MAST4: variants seen among roughly 807,000 people sequenced by gnomAD.
The protein encoded by MAST4 is microtubule-associated serine/threonine-protein kinase 4.
In MAST4, 89 loss-of-function variants were observed where a neutral mutation model predicts 162.7. That is an observed-to-expected ratio of 0.55 (90% CI 0.46 to 0.65). The LOEUF (loss-of-function observed/expected upper bound fraction) is 0.65. Ranked by LOEUF, MAST4 falls within the 30% of genes least tolerant of loss-of-function variation. The pLI is 0.00. For synonymous variants in MAST4, 1,479 were observed against 1,361.1 expected (o/e 1.09, Z -1.91); for missense variants, 3,153 against 3,374.0 (o/e 0.93, Z 1.62).
Position 67,165,206 on chromosome 5 carries a change from T to C in MAST4, c.6027T>C (p.Ser2009=). ...GCTTTCCAGAAACTGCGAAAACCAGTGACAACTCCAAAAATCTCCTCTCTG... is the reference window on the plus strand; with the variant it reads ...GCTTTCCAGAAACTGCGAAAACCAGCGACAACTCCAAAAATCTCCTCTCTG... ...ELCFPETAKT[S]DNSKNLLSVG... The change falls in exon 29 of 29, where the codon AGT becomes AGC. Residue 2009 remains serine, a synonymous_variant. Transcript: ENST00000403625. The C allele has an allele frequency of 7.5e-6, 12 of 1,610,554 alleles. No homozygotes were observed. The highest frequency in any genetic ancestry group is 1.0e-5 in the Non-Finnish European group (12 of 1,178,432).
intron 1 of MAST4, among the ~76,000 whole-genome samples, chr5:66,640,212 C>A (rs1164649255): frequency 1.3e-5 from 2 of 152,134 alleles, no homozygotes. Context: ...ATAATGTCCT[C>A]CTGTTTTATC....
chr5:67,044,192 A>G (rs896103973), intron 4 of MAST4, among the ~76,000 whole-genome samples: 3 of 152,118 alleles, frequency 2.0e-5, no homozygotes, highest in Admixed American at 6.5e-5. Flanking sequence ...TCCCATCTTC[A>G]TCTCAAATGG....
At chr5:66,838,766 G>A (rs1413075766) in intron 3 of MAST4, among the ~76,000 whole-genome samples, 1 of 152,130 alleles carries the variant, frequency 6.6e-6, no homozygotes, top group African/African-American at 2.4e-5. Flanking sequence ...AAGGTGTGGT[G>A]GCTGAACAGG....
intron 4 of MAST4, among the ~76,000 whole-genome samples, chr5:67,047,530 C>G (rs776078493): frequency 5.3e-5 from 8 of 152,212 alleles, no homozygotes; most frequent in Non-Finnish European, 1.2e-4. Context: ...CCTGCAATCT[C>G]TGTCCTACTT....
chr5:66,784,649 A>G (rs141712468), intron 2 of MAST4, among the ~76,000 whole-genome samples: 5 of 152,236 alleles, frequency 3.3e-5, no homozygotes, highest in South Asian at 2.1e-4. Context: ...ATATCTTTCA[A>G]TATTATTCTT....
At chr5:66,741,996 A>G (rs1465820561) in intron 1 of MAST4, among the ~76,000 whole-genome samples, 1 of 152,230 alleles carries the variant, frequency 6.6e-6, no homozygotes, top group Non-Finnish European at 1.5e-5. Context: ...CCCTAGATTT[A>G]TTGAAAGGAT....
At chr5:66,986,382 T>G (rs1749496420) in intron 4 of MAST4, 14 of 1,176,194 alleles carry the variant, frequency 1.2e-5, no homozygotes, top group Non-Finnish European at 1.5e-5. Context: ...GCTCTTTATT[T>G]TAGAAAGAAA....
intron 1 of MAST4, among the ~76,000 whole-genome samples, chr5:66,641,357 T>C (rs1252706370): frequency 1.3e-5 from 2 of 152,086 alleles, no homozygotes; most frequent in Admixed American, 6.6e-5. Context: ...AGAATTTCGC[T>C]ATGTTGGCTA....
rs1029265385 is a variant in MAST4, at chr5:67,090,077, A to G, written c.764-85A>G. 5.0e-6 allele frequency: 5 copies of G among 992,316 alleles called. No homozygotes were observed. In the African/African-American group the frequency reaches 8.1e-5, roughly 16 times the overall value. 61.5% of individuals were successfully genotyped at this position (992,316 alleles called of 1,614,324 possible). A position where few individuals can be genotyped will look rare whatever the true frequency, so the allele number is the denominator to read the frequency against. On this transcript the variant is annotated intron_variant, in intron 5 of 28. Coordinates refer to ENST00000403625, the MANE Select transcript of MAST4 (RefSeq NM_001164664.2). ...AAGGACATTCTACAGAAATGTAAAT[A>G]AACTTATTTCTAAGGAGAGAATTAT... is the stretch of plus-strand genomic sequence containing the variant.
At chr5:66,780,197 AC>A (rs1754793392) in intron 2 of MAST4, among the ~76,000 whole-genome samples, 1 of 152,162 alleles carries the variant, frequency 6.6e-6, no homozygotes, top group South Asian at 2.1e-4. Context: ...GAAACTTTGT[AC>A]CCATTAAACA....
chr5:66,995,666 G>A (rs965056958), intron 4 of MAST4, among the ~76,000 whole-genome samples: 1 of 152,118 alleles, frequency 6.6e-6, no homozygotes, highest in Non-Finnish European at 1.5e-5. Context: ...CTCCCAAAGT[G>A]CTGGGATTAC....
chr5:67,094,560 CT>C lies in MAST4; in HGVS notation c.834-1029del, dbSNP rs905086704. Among the ~76,000 whole-genome samples, 138 of 151,842 alleles carry C rather than the reference CT, an allele frequency of 9.1e-4. 1 individual carries two copies. The highest frequency in any genetic ancestry group is 3.2e-3 in the African/African-American group (134 of 41,432). On this transcript the variant is annotated intron_variant, in intron 6 of 28. Transcript: ENST00000403625. The stretch of plus-strand genomic sequence containing the variant: ...TTGCTTTTTTTAAAGTGTGTTTTTC[CT>C]TTTTTTTGCCCCTTGACAAATTTGC...
At chr5:66,835,028 G>T (rs772205867) in intron 3 of MAST4, among the ~76,000 whole-genome samples, 1 of 152,052 alleles carries the variant, frequency 6.6e-6, no homozygotes, top group African/African-American at 2.4e-5. Flanking sequence ...TGCTATCACC[G>T]GAATGCAATG....
intron 1 of MAST4, among the ~76,000 whole-genome samples, chr5:66,695,814 A>T (rs1580220676): frequency 6.6e-6 from 1 of 152,266 alleles, no homozygotes; most frequent in East Asian, 1.9e-4. Context: ...AAGACCTAGA[A>T]CCAGAAATAT....
rs1561622318 is a variant in MAST4 at position 67,078,925 on chromosome 5, T to TATA, written c.764-11236_764-11234dup. ...ATTTTTATATAAATATATATATATATATATATATATATATATATATATATA... is the reference window on the plus strand; with the variant it reads ...ATTTTTATATAAATATATATATATATATAATATATATATATATATATATATATA... On this transcript the variant is annotated intron_variant, in intron 5 of 28. Transcript: ENST00000403625. Among the ~76,000 whole-genome samples, 44 of 86,248 alleles carry TATA rather than the reference T, an allele frequency of 5.1e-4. 1 individual carries two copies. The highest frequency in any genetic ancestry group is 1.2e-3 in the African/African-American group (20 of 17,146). 56.6% of individuals were successfully genotyped at this position (86,248 alleles called of 152,430 possible). A position where few individuals can be genotyped will look rare whatever the true frequency, so the allele number is the denominator to read the frequency against.
At chr5:67,076,589 A>G (rs893435487) in intron 5 of MAST4, among the ~76,000 whole-genome samples, 1 of 152,112 alleles carries the variant, frequency 6.6e-6, no homozygotes, top group African/African-American at 2.4e-5. Context: ...TTTCCCTCTG[A>G]AAAGTGTTTT....
intron 1 of MAST4, among the ~76,000 whole-genome samples, chr5:66,681,051 A>T (rs145231401): frequency 6.6e-6 from 1 of 152,122 alleles, no homozygotes; most frequent in Non-Finnish European, 1.5e-5. Context: ...ATATGATACC[A>T]CTCCCAAATC....
At chr5:66,894,628 A>G (rs972042942) in intron 3 of MAST4, among the ~76,000 whole-genome samples, 1 of 152,218 alleles carries the variant, frequency 6.6e-6, no homozygotes, top group Non-Finnish European at 1.5e-5. Flanking sequence ...GAGGCCACCA[A>G]TGACTAATGA....
At chr5:67,049,023 G>GTATATATATATATATATACGTA (rs1757762636) in intron 4 of MAST4, among the ~76,000 whole-genome samples, 1 of 85,666 alleles carries the variant, frequency 1.2e-5, no homozygotes, top group East Asian at 2.6e-4. Context: ...ATATATATAC[G>GTATATATATATATATATACGTA]TATATATATA....
Sources: allele counts gnomAD v4.1 joint callset (sites outside exome capture counted in the v4.1 genomes callset), GRCh38; gene constraint gnomAD v4.1.1; transcripts MANE v1.5; gene names NCBI Gene and HGNC (gene_info 2026-07-23, HGNC 2026-07-21).